The following CFAP73 variants were observed in gnomAD, a reference collection of about 807,000 sequenced individuals.
The protein encoded by CFAP73 is cilia- and flagella-associated protein 73.
CFAP73 carries 33 observed loss-of-function variants against 42.9 expected under a neutral mutation model. The observed-to-expected ratio is 0.77, with a 90% CI of 0.58 to 1.03. CFAP73 has a LOEUF of 1.03. CFAP73 is among the 50% of genes least tolerant of loss of function. CFAP73 has a pLI of 0.00. For missense variants in CFAP73, 392 were observed against 411.9 expected, an observed-to-expected ratio of 0.95 and a Z score of 0.42; for synonymous variants, 162 against 186.8, an observed-to-expected ratio of 0.87 and a Z score of 1.08.
At chr12:113,155,676 G>GA (rs893863595) in intron 6 of CFAP73, among the ~76,000 whole-genome samples, 21 of 150,714 alleles carry the variant, frequency 1.4e-4, no homozygotes, top group Middle Eastern at 3.4e-3. Context: ...ATCTCAAAAA[G>GA]AAAAAAAAAG....
In CFAP73 at chr12:113,155,331, T is replaced by C. The variant is rs931925085; in HGVS notation, c.762T>C (p.Ala254=). ...TGCTCCTGGGACGCAGCAGGATGGC[T>C]GTGCTCAACCTGTTCCAGCTAGTGT... ...KTLLLGRSRM[A]VLNLFQLVCQ... is the part of the protein sequence containing the mutation. Residue 254 remains alanine, a synonymous_variant, in exon 6 of 8, where the codon GCT becomes GCC. Transcript: ENST00000335621. The C allele has an allele frequency of 6.4e-6, 10 of 1,551,376 alleles. No individual in the cohort carries two copies. The highest frequency in any genetic ancestry group is 1.2e-5 in the South Asian group (1 of 84,024).
At chr12:113,153,135 C>T in intron 3 of CFAP73, 73 bp from the exon 4 acceptor site, 15 of 1,393,268 alleles carry the variant, frequency 1.1e-5, no homozygotes, top group Non-Finnish European at 1.4e-5. Context: ...AATGTCAGGG[C>T]AGGATGGAGG....
chr12:113,152,643 G>A lies in CFAP73; in HGVS notation c.163-140G>A, dbSNP rs571464624. On this transcript the variant is annotated intron_variant, in intron 2 of 7. Transcript: ENST00000335621. ...GAGGGTGTTTGGGCTTCATCCCTGG[G>A]TGATGGGAGCCCCGGATGGGTTGAG... 174 of 632,284 alleles carry A rather than the reference G, an allele frequency of 2.8e-4. 1 individual carries two copies. In the African/African-American group the frequency reaches 3.0e-3, roughly 11 times the overall value. 39.2% of individuals were successfully genotyped at this position (632,284 alleles called of 1,614,324 possible).
chr12:113,152,484 C>T (rs1952072960), intron 2 of CFAP73, among the ~76,000 whole-genome samples: 1 of 152,170 alleles, frequency 6.6e-6, no homozygotes, highest in Non-Finnish European at 1.5e-5. Flanking sequence ...CAGAGGAAAA[C>T]CATACACAAA....
In CFAP73 at chr12:113,153,415, C is replaced by G. The variant is rs1471152837; in HGVS notation, c.468+7C>G. ...GCTGGAGCTGCTGCCCGGGGTGAGT[C>G]CGGGGCAGGAGGCTGGGAGCTCGGC... On this transcript the variant is annotated splice_region_variant and intron_variant, in intron 4 of 7. Transcript: ENST00000335621. 3.5e-6 allele frequency: 5 copies of G among 1,413,834 alleles called. No homozygotes were observed. The African/African-American group carries it at 4.5e-5, about 13-fold the overall frequency. 87.6% of individuals were successfully genotyped at this position (1,413,834 alleles called of 1,614,324 possible).
At chr12:113,152,529 T>C (rs1050559449) in intron 2 of CFAP73, among the ~76,000 whole-genome samples, 2 of 151,960 alleles carry the variant, frequency 1.3e-5, no homozygotes, top group Non-Finnish European at 2.9e-5. Flanking sequence ...ACACAGGTGG[T>C]TGAGTGGCTG....
In CFAP73 at chr12:113,155,425, A is replaced by AC; in HGVS notation, c.849+11dup. The AC allele has an allele frequency of 2.0e-6, 3 of 1,536,268 alleles. No individual in the cohort carries two copies. The highest frequency in any genetic ancestry group is 2.6e-6 in the Non-Finnish European group (3 of 1,136,878). ...GGAGGGACAGCTAGAGCACGTGAGG[A>AC]CCCCTCTTTATGGCACCTCCAGCCC... On this transcript the variant is annotated splice_region_variant and intron_variant, in intron 6 of 7. Transcript: ENST00000335621.
chr12:113,152,930 C>T, intron 3 of CFAP73, 43 bp downstream of exon 3: 1 of 1,345,318 alleles, frequency 7.4e-7, no homozygotes, highest in Non-Finnish European at 1.0e-6. Flanking sequence ...CTATGGGTAG[C>T]AGCCCACACT....
intron 4 of CFAP73, among the ~76,000 whole-genome samples, chr12:113,153,689 C>G (rs1380398941): frequency 6.6e-6 from 1 of 152,158 alleles, no homozygotes; most frequent in Non-Finnish European, 1.5e-5. Context: ...ACTTCCTGGG[C>G]TCAAGGGATC....
intron 6 of CFAP73, chr12:113,156,675 T>C (rs1424251423): frequency 6.6e-6 from 1 of 152,202 alleles, no homozygotes; most frequent in Non-Finnish European, 1.5e-5. Flanking sequence ...TCGATGCCAC[T>C]GTTCTTCCAA....
Position 113,149,931 on chromosome 12 carries a change from G to T in CFAP73, c.56+18G>T. 6.5e-7 allele frequency: 1 copy of T among 1,549,850 alleles called. No individual in the cohort carries two copies. The highest frequency in any genetic ancestry group is 8.7e-7 in the Non-Finnish European group (1 of 1,145,404). ...CTGTCTACGTGAGTGGGACGTAGAG[G>T]GAGGGAGGGCTAGAAGGAGGGCGGG... On this transcript the variant is annotated intron_variant, in intron 1 of 7. Coordinates refer to ENST00000335621, the MANE Select transcript of CFAP73 (RefSeq NM_001144872.3).
intron 6 of CFAP73, among the ~76,000 whole-genome samples, chr12:113,156,607 G>A (rs867489742): frequency 3.9e-5 from 6 of 152,110 alleles, no homozygotes; most frequent in African/African-American, 1.2e-4. Context: ...GATTCCAACC[G>A]AATGCCAAGA....
At chr12:113,151,811 A>G in intron 1 of CFAP73, 107 bp from the exon 2 acceptor site, 1 of 681,422 alleles carries the variant, frequency 1.5e-6, no homozygotes, top group Non-Finnish European at 2.4e-6. Flanking sequence ...AAAAAAAAAA[A>G]TTAAACAGCC....
Position 113,149,833 on chromosome 12 carries a change from G to T in CFAP73, c.-25G>T. The T allele has an allele frequency of 6.4e-7, 1 of 1,551,126 alleles. No homozygotes were observed. The highest frequency in any genetic ancestry group is 1.2e-5 in the South Asian group (1 of 84,038). The stretch of plus-strand genomic sequence containing the variant: ...TGTGCAAAACTCCAGCTGGTGGAAA[G>T]AAAGCTGGGGCAACTGCCAGAAGGA... On this transcript the variant is annotated 5_prime_UTR_variant, in exon 1 of 8. Transcript: ENST00000335621.
In CFAP73 at chr12:113,159,246, T is replaced by A; in HGVS notation, c.*557T>A. The A allele has an allele frequency of 1.0e-6, 1 of 978,376 alleles. No homozygotes were observed. The highest frequency in any genetic ancestry group is 1.5e-6 in the Non-Finnish European group (1 of 685,806). The allele number at this position is 978,376 out of a possible 1,614,324, so 60.6% of individuals were successfully genotyped here. A position where few individuals can be genotyped will look rare whatever the true frequency, so the allele number is the denominator to read the frequency against. ...GCTGTGGCCCAGTGTCTGTACACAG[T>A]AGGTGGCTAATAAAGTTTTAGGCAG... On this transcript the variant is annotated 3_prime_UTR_variant, in exon 8 of 8. Transcript: ENST00000335621.
intron 2 of CFAP73, 27 bp from the exon 3 acceptor site, chr12:113,152,756 C>T: frequency 6.6e-7 from 1 of 1,525,028 alleles, no homozygotes; most frequent in Non-Finnish European, 8.9e-7. Context: ...CCCGAACCCA[C>T]ACAGACAACC....
chr12:113,154,690 C>G lies in CFAP73; in HGVS notation c.690+55C>G. On this transcript the variant is annotated intron_variant, in intron 5 of 7. Transcript: ENST00000335621. The surrounding 1 kb of genome is among the most constrained non-coding windows in gnomAD (Gnocchi z 4.7). ...CGGACCCCAGGCTTCCACAGCCGGGCGGGGAGGAACGCCAGGGCTGATGAG... is the reference window on the plus strand; with the variant it reads ...CGGACCCCAGGCTTCCACAGCCGGGGGGGGAGGAACGCCAGGGCTGATGAG... 2.2e-6 allele frequency: 3 copies of G among 1,376,810 alleles called. No individual in the cohort carries two copies. Among genetic ancestry groups the G allele is most frequent in the Non-Finnish European group, 1.9e-6 (2 of 1,074,136 alleles). 85.3% of individuals were successfully genotyped at this position (1,376,810 alleles called of 1,614,324 possible).
At chr12:113,152,988 C>A in intron 3 of CFAP73, 101 bp downstream of exon 3, 1 of 916,456 alleles carries the variant, frequency 1.1e-6, no homozygotes, top group Non-Finnish European at 1.7e-6. Context: ...TGGTTTTCGT[C>A]ATGCAAAAGG....
Position 113,153,248 on chromosome 12 carries a change from C to T in CFAP73, c.308C>T (p.Ala103Val), listed in dbSNP as rs1341506548. The stretch of plus-strand genomic sequence containing the variant: ...CGCAATCGCGCGCTGCGGAGGGCGG[C>T]GGAGGAGAGGCACCAGGCGGGCCGT... ...ARRNRALRRA[A>V]EERHQAGRRE... is the part of the protein sequence containing the mutation. The change falls in exon 4 of 8, where the codon GCG becomes GTG. Residue 103 changes from alanine to valine, a missense_variant. Transcript: ENST00000335621. 4 of 1,520,084 alleles carry T rather than the reference C, an allele frequency of 2.6e-6. No homozygotes were observed. The highest frequency in any genetic ancestry group is 2.8e-5 in the African/African-American group (2 of 71,100). The allele number at this position is 1,520,084 out of a possible 1,614,324, so 94.2% of individuals were successfully genotyped here. A position where few individuals can be genotyped will look rare whatever the true frequency, so the allele number is the denominator to read the frequency against.
Sources: allele counts gnomAD v4.1 joint callset (sites outside exome capture counted in the v4.1 genomes callset), GRCh38; gene constraint gnomAD v4.1.1; non-coding constraint Gnocchi (gnomAD v3.1); transcripts MANE v1.5; gene names NCBI Gene and HGNC (gene_info 2026-07-23, HGNC 2026-07-21).